DPYSL3: variants seen among roughly 807,000 people sequenced by gnomAD.
DPYSL3 encodes dihydropyrimidinase-related protein 3.
A neutral mutation model predicts 66.1 loss-of-function variants in DPYSL3; 16 were observed. That is an observed-to-expected ratio of 0.24 (90% CI 0.16 to 0.37). DPYSL3 has a LOEUF of 0.37. DPYSL3 is among the 10% of genes least tolerant of loss of function. The pLI, the probability that DPYSL3 is intolerant of heterozygous loss-of-function variation, is 1.00. For synonymous variants in DPYSL3, 338 were observed against 345.1 expected (o/e 0.98, Z 0.23); for missense variants, 738 against 916.2 (o/e 0.81, Z 2.51).
chr5:147,446,543 T>C (rs1014111791), intron 1 of DPYSL3, among the ~76,000 whole-genome samples: 1 of 152,222 alleles, frequency 6.6e-6, no homozygotes, highest in Non-Finnish European at 1.5e-5. Flanking sequence ...AGCTTCCCCA[T>C]CTAGCTTAAA....
At chr5:147,468,850 T>G (rs1336523585) in intron 1 of DPYSL3, among the ~76,000 whole-genome samples, 1 of 152,182 alleles carries the variant, frequency 6.6e-6, no homozygotes, top group Non-Finnish European at 1.5e-5. Flanking sequence ...AATGATTGTT[T>G]TATTATGACC....
At chr5:147,469,239 G>A (rs1478014179) in intron 1 of DPYSL3, among the ~76,000 whole-genome samples, 3 of 152,182 alleles carry the variant, frequency 2.0e-5, no homozygotes. Context: ...ACACCTCCTT[G>A]ACTGTTCTTT....
chr5:147,436,996 C>T (rs928558185), intron 1 of DPYSL3, among the ~76,000 whole-genome samples: 19 of 152,116 alleles, frequency 1.2e-4, no homozygotes, highest in South Asian at 2.1e-4. Context: ...TGTTAGTGGA[C>T]GGGCTTGAGT....
intron 1 of DPYSL3, among the ~76,000 whole-genome samples, chr5:147,451,117 G>C (rs1451960023): frequency 6.6e-6 from 1 of 152,090 alleles, no homozygotes; most frequent in Non-Finnish European, 1.5e-5. Context: ...TTCTAAAATA[G>C]ATTCCTTGTT....
chr5:147,417,302 G>A (rs539208161), intron 3 of DPYSL3, among the ~76,000 whole-genome samples: 134 of 152,254 alleles, frequency 8.8e-4, no homozygotes, highest in African/African-American at 2.9e-3. Flanking sequence ...TGCACTTATC[G>A]GAAAGCAAAT....
chr5:147,423,795 A>G (rs1752135141), intron 2 of DPYSL3, among the ~76,000 whole-genome samples: 1 of 152,084 alleles, frequency 6.6e-6, no homozygotes, highest in African/African-American at 2.4e-5. Flanking sequence ...ATCTTGGCTC[A>G]CTGCAACCTC....
Position 147,401,687 on chromosome 5 carries a change from A to T in DPYSL3, c.1163T>A (p.Val388Asp). Residue 388 changes from valine (V) to aspartate (D), a missense_variant, in exon 9 of 14, where the codon GTC becomes GAC. Coordinates refer to ENST00000343218, the MANE Select transcript of DPYSL3 (RefSeq NM_001197294.2). The part of the protein sequence containing the change: ...ISQARKKGNV[V>D]FGEPITASLG... ...GCTGGCAGTGATGGGCTCACCAAAG[A>T]CTACATTTCCTAGAAGGGGCAGGAA... is the stretch of plus-strand genomic sequence containing the variant. 6.2e-7 allele frequency: 1 copy of T among 1,614,078 alleles called. No homozygotes were observed. The highest frequency in any genetic ancestry group is 2.2e-5 in the East Asian group (1 of 44,864).
chr5:147,428,282 C>T (rs1379811905), intron 1 of DPYSL3, among the ~76,000 whole-genome samples: 15 of 152,088 alleles, frequency 9.9e-5, no homozygotes, highest in Admixed American at 9.8e-4. Context: ...TTTGTTTTCA[C>T]CATGCAGAGC....
At chr5:147,401,856 T>C in intron 8 of DPYSL3, 160 bp from the exon 9 acceptor site, 1 of 752,572 alleles carries the variant, frequency 1.3e-6, no homozygotes, top group Non-Finnish European at 2.0e-6. Context: ...GCCCCTGCTT[T>C]CCTATCTGCT....
intron 1 of DPYSL3, among the ~76,000 whole-genome samples, chr5:147,493,348 G>C (rs1481064624): frequency 2.6e-5 from 4 of 152,162 alleles, no homozygotes; most frequent in Non-Finnish European, 5.9e-5. Flanking sequence ...GGAAGCAGGG[G>C]AATCATTTGA....
At chr5:147,410,408 A>T (rs774836872) in intron 6 of DPYSL3, among the ~76,000 whole-genome samples, 4 of 152,152 alleles carry the variant, frequency 2.6e-5, no homozygotes, top group Non-Finnish European at 5.9e-5. Flanking sequence ...TCCTATTCTG[A>T]AGCCATGATG....
intron 1 of DPYSL3, among the ~76,000 whole-genome samples, chr5:147,451,247 A>T (rs2126393735): frequency 1.3e-5 from 2 of 152,328 alleles, no homozygotes; most frequent in South Asian, 4.1e-4. Context: ...AAAACCAATG[A>T]ATTCAAGGCA....
At chr5:147,427,056 G>A (rs150262277) in intron 1 of DPYSL3, among the ~76,000 whole-genome samples, 250 of 152,252 alleles carry the variant, frequency 1.6e-3, no homozygotes, top group Non-Finnish European at 2.7e-3. Flanking sequence ...AGAACATGCA[G>A]TTCTTGTCAC....
At chr5:147,401,192 T>G (rs1267014005) in intron 9 of DPYSL3, among the ~76,000 whole-genome samples, 1 of 152,232 alleles carries the variant, frequency 6.6e-6, no homozygotes, top group Non-Finnish European at 1.5e-5. Context: ...TGATTTAGCT[T>G]CTCTGACCTT....
intron 1 of DPYSL3, among the ~76,000 whole-genome samples, chr5:147,426,608 A>G (rs915366461): frequency 1.3e-5 from 2 of 152,174 alleles, no homozygotes; most frequent in Non-Finnish European, 2.9e-5. Context: ...TGCAGGGCCA[A>G]CCATGGTCAT....
At chr5:147,505,854 C>T (rs1010399165) in intron 1 of DPYSL3, among the ~76,000 whole-genome samples, 2 of 152,122 alleles carry the variant, frequency 1.3e-5, no homozygotes, top group Non-Finnish European at 2.9e-5. Flanking sequence ...ATAATATTGA[C>T]ATGTCAGGAG....
intron 1 of DPYSL3, among the ~76,000 whole-genome samples, chr5:147,492,907 A>T (rs1317001664): frequency 6.6e-6 from 1 of 152,208 alleles, no homozygotes; most frequent in African/African-American, 2.4e-5. Flanking sequence ...GTCAGAATGG[A>T]TCAAGAAGCA....
chr5:147,400,566 C>G (rs375532777), intron 10 of DPYSL3, 126 bp downstream of exon 10: 1 of 1,292,888 alleles, frequency 7.7e-7, no homozygotes, highest in East Asian at 2.4e-5. Context: ...GTTCCAGAGA[C>G]ATCTCAGCAA....
Position 147,408,729 on chromosome 5 carries a change from T to A in DPYSL3, c.1031A>T (p.Glu344Val). 6.2e-7 allele frequency: 1 copy of A among 1,613,978 alleles called. No individual in the cohort carries two copies. The highest frequency in any genetic ancestry group is 8.5e-7 in the Non-Finnish European group (1 of 1,179,868). ...PEGHVLSRPE[E>V]LEAEAVFRAI... is the part of the protein sequence containing the mutation. Reference sequence around the variant, plus strand: ...GCACCTTCATCCCCTGTAACTTACCTCTTCTGGCCTGCTCAGTACATGGCC... The same window carrying A: ...GCACCTTCATCCCCTGTAACTTACCACTTCTGGCCTGCTCAGTACATGGCC... Residue 344 changes from glutamate to valine, a missense_variant and splice_region_variant, in exon 7 of 14, where the codon GAG becomes GTG. Glu to Val is a moderately radical substitution (Grantham distance 121). Transcript: ENST00000343218.
Sources: gnomAD v4.1 joint callset for allele counts (sites outside exome capture counted in the v4.1 genomes callset) on GRCh38, gnomAD v4.1.1 for gene constraint, MANE v1.5 for transcripts, NCBI Gene and HGNC (gene_info 2026-07-23, HGNC 2026-07-21) for gene names.